Variants in GNAO1 observed in about 807,000 individuals in gnomAD.
GNAO1 encodes G protein subunit alpha o1.
For missense variants in GNAO1, 166 were observed against 478.7 expected (o/e 0.35, Z 6.10); for synonymous variants, 164 against 180.7 (o/e 0.91, Z 0.74).
chr16:56,344,616 T>C, intron 6 of GNAO1: 2 of 985,802 alleles, frequency 2.0e-6, no homozygotes, highest in Non-Finnish European at 1.2e-6. Flanking sequence ...TGAGACTGAT[T>C]TATGGCTCAG....
rs2036631399 is a variant in GNAO1 at position 56,235,701 on chromosome 16, T to C, written c.162-40230T>C. On this transcript the variant is annotated intron_variant, in intron 2 of 8. Transcript: ENST00000262493. Reference sequence around the variant, plus strand: ...GTCCTGCTGTGCAGCCAACAGCCTCTGTGTCCTTACTCTGCTGGGATCACC... The same window carrying C: ...GTCCTGCTGTGCAGCCAACAGCCTCCGTGTCCTTACTCTGCTGGGATCACC... Among the ~76,000 whole-genome samples, 3 of 152,226 alleles carry C rather than the reference T, an allele frequency of 2.0e-5. No individual in the cohort carries two copies. The South Asian group carries it at 6.2e-4, about 31-fold the overall frequency.
chr16:56,316,050 ACT>A (rs1421613130), intron 3 of GNAO1, among the ~76,000 whole-genome samples: 2 of 150,296 alleles, frequency 1.3e-5, no homozygotes, highest in Admixed American at 6.6e-5. Flanking sequence ...ACAAAGTGAG[ACT>A]CTGACTCAAA....
At chr16:56,232,313 A>T (rs548735927) in intron 2 of GNAO1, among the ~76,000 whole-genome samples, 2 of 152,286 alleles carry the variant, frequency 1.3e-5, no homozygotes, top group East Asian at 3.9e-4. Flanking sequence ...CAGTAAGACG[A>T]ATAGTGTTTC....
chr16:56,232,264 C>T (rs1037506631), intron 2 of GNAO1, among the ~76,000 whole-genome samples: 21 of 152,292 alleles, frequency 1.4e-4, no homozygotes, highest in Admixed American at 3.3e-4. Flanking sequence ...TCTTGAGCCT[C>T]GTAGCTCTGA....
At chr16:56,243,922 G>A (rs2036718098) in intron 2 of GNAO1, among the ~76,000 whole-genome samples, 1 of 152,180 alleles carries the variant, frequency 6.6e-6, no homozygotes, top group African/African-American at 2.4e-5. Flanking sequence ...TTATACAAAT[G>A]TCACCATTTT....
chr16:56,267,226 T>C (rs1287778807), intron 2 of GNAO1, among the ~76,000 whole-genome samples: 3 of 152,156 alleles, frequency 2.0e-5, no homozygotes, highest in Non-Finnish European at 2.9e-5. Flanking sequence ...CACCTCCAAG[T>C]AGGTATGCTG....
chr16:56,266,321 T>A (rs2036953290), intron 2 of GNAO1, among the ~76,000 whole-genome samples: 1 of 152,200 alleles, frequency 6.6e-6, no homozygotes, highest in African/African-American at 2.4e-5. Flanking sequence ...GGCTGAGCTC[T>A]GCCAGTCAAG....
chr16:56,330,297 C>A (rs779917190), intron 4 of GNAO1, among the ~76,000 whole-genome samples: 8 of 152,110 alleles, frequency 5.3e-5, no homozygotes, highest in Non-Finnish European at 1.0e-4. Context: ...TTCAGCTGCC[C>A]TCCTCCCTTC....
In GNAO1 at chr16:56,334,668, GC is replaced by G. The variant is rs1337732645; in HGVS notation, c.465-59del. ...CTGGACTCTGAAGATGGGTGGCCTG[GC>G]CAGTCCCGAACAGTGTCCAGGCATT... On this transcript the variant is annotated intron_variant, in intron 4 of 8. Transcript: ENST00000262493. 5.7e-6 allele frequency: 9 copies of G among 1,581,974 alleles called. No individual in the cohort carries two copies. The East Asian group carries it at 2.0e-4, about 36-fold the overall frequency.
Position 56,347,662 on chromosome 16 carries a change from G to A in GNAO1, c.724-3722G>A, listed in dbSNP as rs2037884706. 6.1e-6 allele frequency: 6 copies of A among 985,928 alleles called. No homozygotes were observed. The South Asian group carries it at 1.4e-4, about 23-fold the overall frequency. 61.1% of individuals were successfully genotyped at this position (985,928 alleles called of 1,614,324 possible). A position where few individuals can be genotyped will look rare whatever the true frequency, so the allele number is the denominator to read the frequency against. On this transcript the variant is annotated intron_variant, in intron 6 of 8. Transcript: ENST00000262493. ...ACAGAAGCTCTCATCCCCAGGCCCA[G>A]TGCACAAGACCACCAGCAGAGACCC... is the stretch of plus-strand genomic sequence containing the variant.
chr16:56,235,471 C>A (rs2036629589), intron 2 of GNAO1: 1 of 453,214 alleles, frequency 2.2e-6, no homozygotes, highest in East Asian at 6.9e-5. Context: ...TGCCTGTCTA[C>A]CATTTCCCTT....
rs1408421908 is a variant in GNAO1 at position 56,347,444 on chromosome 16, C to A, written c.724-3940C>A. On this transcript the variant is annotated intron_variant, in intron 6 of 8. Coordinates refer to ENST00000262493, the MANE Select transcript of GNAO1 (RefSeq NM_020988.3). ...GGTCTGTGGTAGGGCTCCCCATCTCCCACCCCTCAGCAAGAAGAGTCCTGA... is the reference window on the plus strand; with the variant it reads ...GGTCTGTGGTAGGGCTCCCCATCTCACACCCCTCAGCAAGAAGAGTCCTGA... The A allele has an allele frequency of 2.7e-5, 27 of 985,514 alleles. No homozygotes were observed. In the African/African-American group the frequency reaches 4.5e-4, roughly 17 times the overall value. 61.0% of individuals were successfully genotyped at this position (985,514 alleles called of 1,614,324 possible). A position where few individuals can be genotyped will look rare whatever the true frequency, so the allele number is the denominator to read the frequency against.
intron 3 of GNAO1, among the ~76,000 whole-genome samples, chr16:56,281,823 T>C (rs1459537593): frequency 6.6e-6 from 1 of 152,208 alleles, no homozygotes; most frequent in African/African-American, 2.4e-5. Flanking sequence ...GATTAGAAGA[T>C]TCACTGGACC....
chr16:56,289,034 G>GA (rs66971439), intron 3 of GNAO1, among the ~76,000 whole-genome samples: 3 of 73,134 alleles, frequency 4.1e-5, no homozygotes, highest in Non-Finnish European at 6.6e-5. Flanking sequence ...ATCCAAAAAA[G>GA]GGGGGGGGAG....
At chr16:56,225,875 A>T (rs1414911302) in intron 2 of GNAO1, among the ~76,000 whole-genome samples, 2 of 152,028 alleles carry the variant, frequency 1.3e-5, no homozygotes, top group African/African-American at 4.8e-5. Flanking sequence ...GAGCTCCTTT[A>T]GCTAAAGTAG....
intron 2 of GNAO1, among the ~76,000 whole-genome samples, chr16:56,242,374 G>C (rs2036701633): frequency 1.3e-5 from 2 of 152,152 alleles, no homozygotes. Context: ...AAACAATCCT[G>C]AAAGAGAAGA....
At chr16:56,277,024 T>A (rs1415969841) in intron 3 of GNAO1, 4 of 152,238 alleles carry the variant, frequency 2.6e-5, no homozygotes, top group African/African-American at 9.6e-5. Flanking sequence ...AGAGGAAAAC[T>A]GTCCTGGTTG....
chr16:56,353,090 C>T (rs904494147), intron 7 of GNAO1: 4 of 152,474 alleles, frequency 2.6e-5, no homozygotes, highest in African/African-American at 7.2e-5. Context: ...AGAAGGTGCC[C>T]TCTGCAGGAT....
chr16:56,301,339 A>G (rs2037341414), intron 3 of GNAO1: 1 of 152,238 alleles, frequency 6.6e-6, no homozygotes, highest in Admixed American at 6.5e-5. Context: ...TGAGGGTCAA[A>G]GAAAGGCCTT....
Sources: gnomAD v4.1 joint callset for allele counts (sites outside exome capture counted in the v4.1 genomes callset) on GRCh38, gnomAD v4.1.1 for gene constraint, MANE v1.5 for transcripts, NCBI Gene and HGNC (gene_info 2026-07-23, HGNC 2026-07-21) for gene names.